The following ROBO2 variants were observed in gnomAD, a reference collection of about 807,000 sequenced individuals.
The protein encoded by ROBO2 is roundabout guidance receptor 2, also known as roundabout homolog 2.
In ROBO2, 53 loss-of-function variants were observed where a neutral mutation model predicts 160.8. The ratio of observed to expected loss-of-function variants is 0.33; its 90% confidence interval spans 0.26 to 0.41. The LOEUF (loss-of-function observed/expected upper bound fraction) is 0.41. Among genes scored for constraint, ROBO2 ranks in the 10% least tolerant of loss-of-function variants. ROBO2 has a pLI of 1.00. For missense variants in ROBO2, 1,577 were observed against 1,722.4 expected, an observed-to-expected ratio of 0.92 and a Z score of 1.49; for synonymous variants, 664 against 611.7, an observed-to-expected ratio of 1.09 and a Z score of -1.26.
intron 2 of ROBO2, among the ~76,000 whole-genome samples, chr3:77,447,526 G>A (rs548017830): frequency 1.3e-5 from 2 of 152,096 alleles, no homozygotes; most frequent in Non-Finnish European, 2.9e-5. Context: ...AGATGCTAAT[G>A]TGCTTGAGTA....
At chr3:76,865,560 T>C (rs2071280242) in intron 2 of ROBO2, among the ~76,000 whole-genome samples, 1 of 152,138 alleles carries the variant, frequency 6.6e-6, no homozygotes. Context: ...TAATATGTTC[T>C]ACCACAGTCT....
Position 76,583,898 on chromosome 3 carries a change from C to T in ROBO2, c.110-514116C>T, listed in dbSNP as rs376323450. Among the ~76,000 whole-genome samples, 38 of 152,190 alleles carry T rather than the reference C, an allele frequency of 2.5e-4. No homozygotes were observed. The South Asian group carries it at 7.9e-3, about 32-fold the overall frequency. On this transcript the variant is annotated intron_variant, in intron 2 of 26. Coordinates refer to the ROBO2 transcript ENST00000487694. ...CCATGCTTTTTCTCTATTATCATTG[C>T]GATCCAATTATGAATTCAGCTAAAA...
intron 2 of ROBO2, among the ~76,000 whole-genome samples, chr3:77,264,904 G>A (rs186308778): frequency 3.9e-5 from 6 of 151,940 alleles, no homozygotes; most frequent in Non-Finnish European, 8.8e-5. Flanking sequence ...GCTATAATGC[G>A]GCCTGTTCCT....
intron 2 of ROBO2, among the ~76,000 whole-genome samples, chr3:77,186,089 C>T (rs540266308): frequency 9.9e-5 from 15 of 151,918 alleles, no homozygotes; most frequent in African/African-American, 3.6e-4. Flanking sequence ...GTGTACTGCT[C>T]GGGTGATGGG....
chr3:76,759,914 G>A (rs770693517), intron 2 of ROBO2, among the ~76,000 whole-genome samples: 1 of 151,754 alleles, frequency 6.6e-6, no homozygotes, highest in Non-Finnish European at 1.5e-5. Context: ...GTTTACTCAG[G>A]CTGTCATAAC....
rs190689198 is a variant in ROBO2, at chr3:76,001,765, G to A, written c.109+64163G>A. On this transcript the variant is annotated intron_variant, in intron 2 of 26. Coordinates refer to the ROBO2 transcript ENST00000487694. ...TCACCTTGTTGTCCAGGCTGGTCTT[G>A]AACTCTTGAGCTCAAGCAATCTGGT... Among the ~76,000 whole-genome samples, 133 of 152,220 alleles carry A rather than the reference G, an allele frequency of 8.7e-4. No individual in the cohort carries two copies. In the East Asian group the frequency reaches 0.022, roughly 25 times the overall value.
chr3:77,238,973 C>T (rs1206457232), intron 2 of ROBO2, among the ~76,000 whole-genome samples: 1 of 152,192 alleles, frequency 6.6e-6, no homozygotes, highest in Admixed American at 6.5e-5. Flanking sequence ...GACCGCCCAC[C>T]TCCCCAAGAA....
chr3:76,379,317 T>C (rs1392905300), intron 2 of ROBO2, among the ~76,000 whole-genome samples: 3 of 151,926 alleles, frequency 2.0e-5, no homozygotes, highest in Non-Finnish European at 2.9e-5. Context: ...AGTTTATAAA[T>C]ACTTGAAATC....
At chr3:76,099,786 G>A (rs963549243) in intron 2 of ROBO2, among the ~76,000 whole-genome samples, 3 of 152,118 alleles carry the variant, frequency 2.0e-5, no homozygotes, top group African/African-American at 7.2e-5. Flanking sequence ...AGGAAGGAAG[G>A]GAGGGAGGAA....
intron 2 of ROBO2, among the ~76,000 whole-genome samples, chr3:75,963,905 C>T (rs537092507): frequency 2.2e-4 from 33 of 151,780 alleles, no homozygotes; most frequent in Admixed American, 1.1e-3. Context: ...TCATTTTTAT[C>T]GGATTAGGAC....
chr3:76,499,896 G>A (rs1335694152), intron 2 of ROBO2, among the ~76,000 whole-genome samples: 2 of 152,006 alleles, frequency 1.3e-5, no homozygotes, highest in Admixed American at 1.3e-4. Flanking sequence ...GCCCGTGTGT[G>A]TGCTGATATA....
intron 2 of ROBO2, among the ~76,000 whole-genome samples, chr3:76,005,312 T>G (rs926516958): frequency 2.0e-5 from 3 of 152,170 alleles, no homozygotes; most frequent in Non-Finnish European, 2.9e-5. Context: ...GAACAGATGT[T>G]ATGTAAGAGA....
intron 2 of ROBO2, among the ~76,000 whole-genome samples, chr3:76,622,311 A>AAAGAAAG (rs2089274676): frequency 8.9e-6 from 1 of 112,728 alleles, no homozygotes. Flanking sequence ...AGAAAGAAAG[A>AAAGAAAG]AAACATAGCC....
chr3:77,044,765 T>A (rs2064468138), intron 1 of ROBO2, among the ~76,000 whole-genome samples: 1 of 152,280 alleles, frequency 6.6e-6, no homozygotes, highest in Admixed American at 6.5e-5. Flanking sequence ...TTTGCACGGA[T>A]CCTATCATTT....
At chr3:77,545,111 G>T (rs550293596) in intron 6 of ROBO2, among the ~76,000 whole-genome samples, 1 of 152,098 alleles carries the variant, frequency 6.6e-6, no homozygotes, top group African/African-American at 2.4e-5. Flanking sequence ...TAGACTAAGT[G>T]GCTTCCTCTC....
rs149940820 is a variant in ROBO2, at chr3:76,979,593, G to GGTGT, written c.110-118403_110-118400dup. Among the ~76,000 whole-genome samples the GGTGT allele has an allele frequency of 1.7e-3, 245 of 147,818 alleles. 2 individuals carry two copies. Among genetic ancestry groups the GGTGT allele is most frequent in the African/African-American group, 5.7e-3 (229 of 40,462 alleles). ...GGTATTGGGGTGTATGTGTGTGTGT[G>GGTGT]GTGTGTGTGTGTGTGTGTGTGCGCA... is the stretch of plus-strand genomic sequence containing the variant. On this transcript the variant is annotated intron_variant, in intron 2 of 26. Transcript: ENST00000487694.
chr3:76,485,704 A>C (rs1227353098), intron 2 of ROBO2, among the ~76,000 whole-genome samples: 3 of 152,158 alleles, frequency 2.0e-5, no homozygotes, highest in Non-Finnish European at 4.4e-5. Context: ...TGCTGTTTGT[A>C]CTGAAGTAAA....
intron 2 of ROBO2, among the ~76,000 whole-genome samples, chr3:77,165,571 T>TTAA (rs1553809691): frequency 2.1e-4 from 31 of 150,572 alleles, no homozygotes; most frequent in Admixed American, 4.0e-4. Context: ...AAAAATAAAT[T>TTAA]AAAAAAAAAA....
chr3:76,026,026 A>G (rs936883576), intron 2 of ROBO2, among the ~76,000 whole-genome samples: 1 of 151,950 alleles, frequency 6.6e-6, no homozygotes, highest in Non-Finnish European at 1.5e-5. Flanking sequence ...AAACTGTTGC[A>G]TATACTTGGC....
Sources: gnomAD v4.1 joint callset for allele counts (sites outside exome capture counted in the v4.1 genomes callset) on GRCh38, gnomAD v4.1.1 for gene constraint, MANE v1.5 for transcripts, NCBI Gene and HGNC (gene_info 2026-07-23, HGNC 2026-07-21) for gene names.